Variants in LAMB1 observed in about 807,000 individuals in gnomAD.
LAMB1 encodes the protein laminin subunit beta-1.
LAMB1 carries 121 observed loss-of-function variants against 222.3 expected under a neutral mutation model. The observed-to-expected ratio is 0.54, with a 90% CI of 0.47 to 0.63. The LOEUF (loss-of-function observed/expected upper bound fraction) is 0.63. LAMB1 is among the 30% of genes least tolerant of loss of function. The pLI is 0.00. For synonymous variants in LAMB1, 794 were observed against 807.2 expected (o/e 0.98, Z 0.28); for missense variants, 2,172 against 2,240.8 (o/e 0.97, Z 0.62).
chr7:107,953,674 G>T lies in LAMB1; in HGVS notation c.2935C>A (p.His979Asn). 1 of 1,614,142 alleles carries T rather than the reference G, an allele frequency of 6.2e-7. No homozygotes were observed. The highest frequency in any genetic ancestry group is 8.5e-7 in the Non-Finnish European group (1 of 1,180,026). ...VGGSCQPCQC[H>N]NNIDTTDPEA... ...GGGTCTGTCGTGTCAATGTTGTTGT[G>T]ACACTGGCAAGGCTGACACGACCCC... Residue 979 changes from histidine (H) to asparagine (N), a missense_variant, in exon 22 of 34, where the codon CAC becomes AAC. His to Asn is a moderately conservative substitution (Grantham distance 68, BLOSUM62 1). Transcript: ENST00000222399.
chr7:107,925,239 G>A lies in LAMB1; in HGVS notation c.5065-850C>T, dbSNP rs991256383. On this transcript the variant is annotated intron_variant, in intron 32 of 33. Transcript: ENST00000222399. ...AGTAGGGAGTTAAATACTGAAATTA[G>A]GTCAGTAAATGCAGGTGCCCCCAGG... Among the ~76,000 whole-genome samples, 12 of 152,246 alleles carry A rather than the reference G, an allele frequency of 7.9e-5. No individual in the cohort carries two copies. The East Asian group carries it at 2.3e-3, about 29-fold the overall frequency.
intron 13 of LAMB1, among the ~76,000 whole-genome samples, chr7:107,972,446 C>T (rs898189772): frequency 2.0e-5 from 3 of 152,136 alleles, no homozygotes; most frequent in Non-Finnish European, 2.9e-5. Context: ...TGGTTAAACT[C>T]CCACAGATTT....
intron 32 of LAMB1, 57 bp from the exon 33 acceptor site, chr7:107,924,446 T>TGCTCTTAAATG: frequency 7.3e-7 from 1 of 1,364,336 alleles, no homozygotes; most frequent in Non-Finnish European, 1.0e-6. Flanking sequence ...GTAATTACAT[T>TGCTCTTAAATG]TAAGAGCAAT....
rs2158836 is a variant in LAMB1 at position 107,940,394 on chromosome 7, A to G, written c.3392-36T>C. On this transcript the variant is annotated intron_variant, in intron 24 of 33. Transcript: ENST00000222399. ...ATAAGCAATGCTAGCTGATCTACTT[A>G]ATCATGAACCTCAGTGACAAGATGT... The G allele has an allele frequency of 0.62, 976,188 of 1,580,378 alleles. 304,279 individuals are homozygous for G. The highest frequency in any genetic ancestry group is 0.86 in the East Asian group (38,149 of 44,190).
chr7:107,971,207 G>A (rs1356486633), intron 13 of LAMB1, among the ~76,000 whole-genome samples: 1 of 152,180 alleles, frequency 6.6e-6, no homozygotes, highest in Non-Finnish European at 1.5e-5. Context: ...TAACTAAGGA[G>A]TGTCTGGGAT....
intron 8 of LAMB1, among the ~76,000 whole-genome samples, chr7:107,978,706 AAATT>A (rs1225708822): frequency 3.3e-5 from 5 of 152,184 alleles, no homozygotes; most frequent in South Asian, 2.1e-4. Flanking sequence ...AAAATTTTAA[AAATT>A]AATCATTTAT....
chr7:107,976,758 G>T (rs1201765572), intron 9 of LAMB1, among the ~76,000 whole-genome samples: 1 of 152,082 alleles, frequency 6.6e-6, no homozygotes, highest in African/African-American at 2.4e-5. Flanking sequence ...GAACATCCTT[G>T]CGGCCTTGTG....
Position 107,923,836 on chromosome 7 carries a change from A to G in LAMB1, c.*115T>C. On this transcript the variant is annotated 3_prime_UTR_variant, in exon 34 of 34. Transcript: ENST00000222399. Reference sequence around the variant, plus strand: ...CACTGTACTTTATTTAACTCCATACAAAATGTGATTAAAAACATTAAATAG... The same window carrying G: ...CACTGTACTTTATTTAACTCCATACGAAATGTGATTAAAAACATTAAATAG... 1 of 1,006,738 alleles carries G rather than the reference A, an allele frequency of 9.9e-7. No homozygotes were observed. Among genetic ancestry groups the G allele is most frequent in the Non-Finnish European group, 1.4e-6 (1 of 692,190 alleles). 62.4% of individuals were successfully genotyped at this position (1,006,738 alleles called of 1,614,324 possible).
At position 107,940,284 on chromosome 7, in the gene LAMB1, CCTCAACGCA is replaced by C; in HGVS notation, c.3457_3465del (p.Cys1153_Glu1155del). ...TTGTCACAGCGTGGACCCTCAACAC[CCTCAACGCA>C]GACACACTGGCCCGTGGACTGGTCA... On this transcript the variant is annotated inframe_deletion, in exon 25 of 34. Coordinates refer to ENST00000222399, the MANE Select transcript of LAMB1 (RefSeq NM_002291.3). The C allele has an allele frequency of 2.5e-6, 4 of 1,614,194 alleles. No homozygotes were observed. The highest frequency in any genetic ancestry group is 3.4e-6 in the Non-Finnish European group (4 of 1,180,028).
chr7:107,955,620 C>A lies in LAMB1; in HGVS notation c.2701G>T (p.Gly901Cys). Reference protein sequence around the residue: ...MGHNCERCLAGYYGDPIIGSG... With the variant: ...MGHNCERCLACYYGDPIIGSG... The stretch of plus-strand genomic sequence containing the variant: ...CCAATGATGGGGTCGCCATAGTAAC[C>A]AGCCAAGCACCTGCATCAGTCACAG... The change falls in exon 21 of 34, where the codon GGT becomes TGT. Residue 901 changes from glycine to cysteine, a missense_variant. Physicochemically the swap from Gly to Cys is radical, Grantham distance 159. Transcript: ENST00000222399. 6.2e-7 allele frequency: 1 copy of A among 1,612,478 alleles called. No homozygotes were observed. Among genetic ancestry groups the A allele is most frequent in the Non-Finnish European group, 8.5e-7 (1 of 1,179,288 alleles).
chr7:107,932,319 C>T lies in LAMB1; in HGVS notation c.4247G>A (p.Cys1416Tyr). The T allele has an allele frequency of 6.2e-7, 1 of 1,614,208 alleles. No homozygotes were observed. Among genetic ancestry groups the T allele is most frequent in the Non-Finnish European group, 8.5e-7 (1 of 1,180,032 alleles). ...CSETECGGPN[C>Y]RTDEGERKCG... ...CTTCCTCTCTCCTTCGTCAGTTCTG[C>T]AGTTTGGCCCGCCACATTCAGTCTC... Residue 1416 changes from cysteine (C) to tyrosine (Y), a missense_variant, in exon 28 of 34, where the codon TGC becomes TAC. Physicochemically the swap from Cys to Tyr is radical, Grantham distance 194 (BLOSUM62 -2). Coordinates refer to ENST00000222399, the MANE Select transcript of LAMB1 (RefSeq NM_002291.3).
At chr7:107,998,573 C>T in intron 3 of LAMB1, 81 bp from the exon 4 acceptor site, 2 of 1,257,504 alleles carry the variant, frequency 1.6e-6, no homozygotes, top group Non-Finnish European at 2.2e-6. Flanking sequence ...CATGAAGCTC[C>T]TAATACAAAA....
intron 5 of LAMB1, among the ~76,000 whole-genome samples, chr7:107,988,299 C>T (rs971852417): frequency 5.3e-5 from 8 of 152,182 alleles, no homozygotes; most frequent in Non-Finnish European, 7.3e-5. Flanking sequence ...TAATTAGTCA[C>T]ATGTGTGATG....
chr7:107,940,376 AT>A lies in LAMB1; in HGVS notation c.3392-19del. The A allele has an allele frequency of 6.3e-7, 1 of 1,599,862 alleles. No homozygotes were observed. The highest frequency in any genetic ancestry group is 8.6e-7 in the Non-Finnish European group (1 of 1,169,044). ...GTCACAGGCTAGAAGGGAATAAGCA[AT>A]GCTAGCTGATCTACTTAATCATGAA... On this transcript the variant is annotated intron_variant, in intron 24 of 33. Transcript: ENST00000222399.
At chr7:107,976,432 G>C (rs1383925473) in intron 9 of LAMB1, among the ~76,000 whole-genome samples, 1 of 152,158 alleles carries the variant, frequency 6.6e-6, no homozygotes, top group Non-Finnish European at 1.5e-5. Flanking sequence ...TGACCCCCTT[G>C]GGTGCAGCGC....
chr7:107,990,806 G>C (rs1479871643), intron 5 of LAMB1, among the ~76,000 whole-genome samples: 2 of 152,234 alleles, frequency 1.3e-5, no homozygotes, highest in African/African-American at 4.8e-5. Flanking sequence ...ATGGCAGTGA[G>C]TGGACACATG....
intron 3 of LAMB1, among the ~76,000 whole-genome samples, chr7:107,999,129 G>A (rs949722679): frequency 6.6e-5 from 10 of 152,224 alleles, no homozygotes; most frequent in African/African-American, 2.2e-4. Context: ...ACTATAATCT[G>A]GGGCCAGTTC....
intron 27 of LAMB1, among the ~76,000 whole-genome samples, chr7:107,933,674 A>G (rs962577216): frequency 4.6e-5 from 7 of 152,292 alleles, no homozygotes; most frequent in African/African-American, 1.7e-4. Context: ...CCTGAAAAAC[A>G]AAAGGACAAA....
chr7:107,972,250 T>C (rs1276201233), intron 13 of LAMB1, among the ~76,000 whole-genome samples: 4 of 152,190 alleles, frequency 2.6e-5, no homozygotes, highest in African/African-American at 7.2e-5. Context: ...TGGGAAATAA[T>C]TGGGAAAGAA....
Sources: allele counts gnomAD v4.1 joint callset (sites outside exome capture counted in the v4.1 genomes callset), GRCh38; gene constraint gnomAD v4.1.1; transcripts MANE v1.5; gene names NCBI Gene and HGNC (gene_info 2026-07-23, HGNC 2026-07-21).